Variants in CSMD1 observed in about 807,000 individuals in gnomAD.
The protein encoded by CSMD1 is CUB and sushi domain-containing protein 1.
CSMD1 carries 213 observed loss-of-function variants against 417.5 expected under a neutral mutation model. That is an observed-to-expected ratio of 0.51 (90% CI 0.46 to 0.57). The LOEUF is 0.57. CSMD1 is among the 20% of genes least tolerant of loss of function. CSMD1 has a pLI of 0.00. For missense variants in CSMD1, 6,923 were observed against 4,529.7 expected (o/e 1.53, Z -15.17); for synonymous variants, 2,862 against 1,736.8 (o/e 1.65, Z -16.11).
chr8:3,042,033 C>G (rs773595948), intron 50 of CSMD1, among the ~76,000 whole-genome samples: 1 of 152,164 alleles, frequency 6.6e-6, no homozygotes, highest in Non-Finnish European at 1.5e-5. Flanking sequence ...TGCGGGCTCC[C>G]ATGCCACTGG....
At chr8:4,719,832 T>G (rs1358803252) in intron 1 of CSMD1, among the ~76,000 whole-genome samples, 4 of 152,172 alleles carry the variant, frequency 2.6e-5, no homozygotes, top group Non-Finnish European at 4.4e-5. Context: ...TAAATAAAAT[T>G]TTATCTCATT....
chr8:3,887,672 C>T (rs971247028), intron 5 of CSMD1, among the ~76,000 whole-genome samples: 1 of 152,138 alleles, frequency 6.6e-6, no homozygotes. Context: ...GAGACAATAC[C>T]TATGTATCTG....
At chr8:4,166,135 G>A (rs759593917) in intron 3 of CSMD1, among the ~76,000 whole-genome samples, 2 of 152,112 alleles carry the variant, frequency 1.3e-5, no homozygotes, top group Non-Finnish European at 2.9e-5. Flanking sequence ...CAAACATAAT[G>A]TGAACCCCAT....
At chr8:4,132,691 A>G (rs112599528) in intron 3 of CSMD1, among the ~76,000 whole-genome samples, 8 of 152,268 alleles carry the variant, frequency 5.3e-5, no homozygotes, top group South Asian at 4.1e-4. Flanking sequence ...TCGCAACTCA[A>G]TGTGGGGCTT....
At chr8:3,925,969 TCA>T (rs1809631254) in intron 5 of CSMD1, among the ~76,000 whole-genome samples, 1 of 150,658 alleles carries the variant, frequency 6.6e-6, no homozygotes. Context: ...ACCTTTAACC[TCA>T]GTCACCCAAT....
At chr8:4,299,455 T>C (rs1023748462) in intron 3 of CSMD1, among the ~76,000 whole-genome samples, 3 of 152,126 alleles carry the variant, frequency 2.0e-5, no homozygotes, top group South Asian at 2.1e-4. Context: ...CCACTAGTAA[T>C]TGGTTCTTTA....
chr8:4,323,487 TCTC>T (rs1799383365), intron 3 of CSMD1, among the ~76,000 whole-genome samples: 1 of 80,576 alleles, frequency 1.2e-5, no homozygotes, highest in African/African-American at 8.2e-5. Flanking sequence ...ACTAGGGCTT[TCTC>T]TGAAACCTGT....
chr8:4,848,610 G>T (rs1801286015), intron 1 of CSMD1, among the ~76,000 whole-genome samples: 1 of 152,052 alleles, frequency 6.6e-6, no homozygotes, highest in Admixed American at 6.6e-5. Context: ...CACCGTGTCG[G>T]CTCACTACAA....
At chr8:3,249,273 G>A (rs1485165490) in intron 26 of CSMD1, among the ~76,000 whole-genome samples, 1 of 151,946 alleles carries the variant, frequency 6.6e-6, no homozygotes, top group Non-Finnish European at 1.5e-5. Flanking sequence ...CCAGTCTGGA[G>A]TGCAGCGGCG....
At chr8:4,716,015 G>A (rs1201280591) in intron 1 of CSMD1, among the ~76,000 whole-genome samples, 1 of 152,166 alleles carries the variant, frequency 6.6e-6, no homozygotes, top group Admixed American at 6.5e-5. Flanking sequence ...AGAGCACAGG[G>A]GCCAGGGCAG....
At chr8:4,264,131 G>C (rs953932830) in intron 3 of CSMD1, among the ~76,000 whole-genome samples, 3 of 152,126 alleles carry the variant, frequency 2.0e-5, no homozygotes, top group African/African-American at 7.2e-5. Context: ...TGTAGGTAAA[G>C]AATACAACAC....
chr8:4,698,008 T>G (rs537232039), intron 1 of CSMD1, among the ~76,000 whole-genome samples: 1 of 152,270 alleles, frequency 6.6e-6, no homozygotes, highest in African/African-American at 2.4e-5. Context: ...ATCGAACACT[T>G]AATATGTCCA....
chr8:4,746,936 G>T (rs2117030751), intron 1 of CSMD1, among the ~76,000 whole-genome samples: 1 of 152,322 alleles, frequency 6.6e-6, no homozygotes, highest in Non-Finnish European at 1.5e-5. Flanking sequence ...TGAATCTGAT[G>T]ATTCAAATGC....
intron 2 of CSMD1, among the ~76,000 whole-genome samples, chr8:4,535,103 A>G (rs759812674): frequency 7.2e-5 from 11 of 152,214 alleles, no homozygotes; most frequent in Non-Finnish European, 1.5e-4. Flanking sequence ...GGACTAGGGT[A>G]GAAGATACAA....
chr8:3,852,062 A>G (rs975503307), intron 5 of CSMD1, among the ~76,000 whole-genome samples: 1 of 152,220 alleles, frequency 6.6e-6, no homozygotes, highest in African/African-American at 2.4e-5. Flanking sequence ...TGGTTGAGGC[A>G]GACTGGAGGA....
At chr8:4,160,285 C>A (rs1031702438) in intron 3 of CSMD1, among the ~76,000 whole-genome samples, 5 of 152,032 alleles carry the variant, frequency 3.3e-5, no homozygotes. Flanking sequence ...TTGGAAAGTA[C>A]TGAATTTAGG....
chr8:4,447,014 G>A (rs746615141), intron 2 of CSMD1, among the ~76,000 whole-genome samples: 1 of 152,020 alleles, frequency 6.6e-6, no homozygotes, highest in Non-Finnish European at 1.5e-5. Flanking sequence ...TTGCATGGAA[G>A]GGATTGTGGA....
intron 2 of CSMD1, among the ~76,000 whole-genome samples, chr8:4,453,892 G>T (rs187049063): frequency 2.2e-5 from 3 of 136,874 alleles, no homozygotes; most frequent in Non-Finnish European, 3.0e-5. Flanking sequence ...CGCGACCTCG[G>T]CTCACTGCCA....
At chr8:4,894,712 G>GTT (rs1395281102) in intron 1 of CSMD1, among the ~76,000 whole-genome samples, 2 of 151,914 alleles carry the variant, frequency 1.3e-5, no homozygotes, top group Non-Finnish European at 2.9e-5. Context: ...GTGTGTGTGT[G>GTT]TGTGTGTGTG....
Sources: gnomAD v4.1 joint callset for allele counts (sites outside exome capture counted in the v4.1 genomes callset) on GRCh38, gnomAD v4.1.1 for gene constraint, MANE v1.5 for transcripts, NCBI Gene and HGNC (gene_info 2026-07-23, HGNC 2026-07-21) for gene names.